ERMP1: variants seen among roughly 807,000 people sequenced by gnomAD.
The protein encoded by ERMP1 is endoplasmic reticulum metallopeptidase 1.
A neutral mutation model predicts 92.0 loss-of-function variants in ERMP1; 86 were observed. The ratio of observed to expected loss-of-function variants is 0.93; its 90% confidence interval spans 0.79 to 1.12. The LOEUF (loss-of-function observed/expected upper bound fraction) is 1.12. Ranked by LOEUF, ERMP1 falls within the 50% of genes most tolerant of loss-of-function variation. The pLI is 0.00. For missense variants in ERMP1, 1,342 were observed against 1,116.3 expected (o/e 1.20, Z -2.88); for synonymous variants, 530 against 412.8 (o/e 1.28, Z -3.44).
At chr9:5,832,555 C>T (rs1424117135) in intron 1 of ERMP1, 135 bp downstream of exon 1, 3 of 654,080 alleles carry the variant, frequency 4.6e-6, no homozygotes, top group Non-Finnish European at 7.0e-6. Context: ...TCACCCCACC[C>T]CACGTGCAGC....
In ERMP1 at chr9:5,832,897, C is replaced by G; in HGVS notation, c.131G>C (p.Ser44Thr). The change falls in exon 1 of 15, where the codon AGC becomes ACC. Residue 44 changes from serine (S) to threonine (T), a missense_variant. Transcript: ENST00000339450. ...CCTCTTCCGCGTCCTCCCGCCGCCG[C>G]TGCACCCATCCACCAGAGGCTCCTG... ...RAQEPLVDGC[S>T]GGGRTRKRSP... is the part of the protein sequence containing the mutation. The G allele has an allele frequency of 6.4e-7, 1 of 1,555,618 alleles. No individual in the cohort carries two copies. Among genetic ancestry groups the G allele is most frequent in the South Asian group, 1.2e-5 (1 of 85,200 alleles).
intron 8 of ERMP1, among the ~76,000 whole-genome samples, chr9:5,808,341 T>A (rs1828947713): frequency 6.6e-6 from 1 of 152,222 alleles, no homozygotes. Context: ...TACATACAAT[T>A]ACAATAAAAA....
intron 12 of ERMP1, among the ~76,000 whole-genome samples, chr9:5,798,468 G>A (rs150335003): frequency 9.6e-4 from 146 of 151,884 alleles, no homozygotes; most frequent in African/African-American, 3.4e-3. Context: ...CACCCGCCTC[G>A]GCCTCCCAAA....
intron 6 of ERMP1, among the ~76,000 whole-genome samples, chr9:5,838,515 G>A (rs532136320): frequency 2.0e-5 from 3 of 147,334 alleles, no homozygotes; most frequent in African/African-American, 7.4e-5. Flanking sequence ...TGGGCGACAG[G>A]GCAAAACCCT....
chr9:5,813,219 A>T (rs1829174571), intron 4 of ERMP1, among the ~76,000 whole-genome samples, 184 bp from the exon 5 acceptor site: 1 of 152,220 alleles, frequency 6.6e-6, no homozygotes, highest in African/African-American at 2.4e-5. Context: ...GACTTTTAGA[A>T]TAAAAACCTT....
At chr9:5,822,514 T>C (rs1573121) in intron 4 of ERMP1, among the ~76,000 whole-genome samples, 2 of 152,278 alleles carry the variant, frequency 1.3e-5, no homozygotes, top group Non-Finnish European at 2.9e-5. Context: ...AATATAGTAT[T>C]GTTTAGGTTA....
rs1170040766 is a variant in ERMP1 at position 5,785,192 on chromosome 9, T to C, written c.*1952A>G. On this transcript the variant is annotated 3_prime_UTR_variant, in exon 15 of 15. Coordinates refer to ENST00000339450, the MANE Select transcript of ERMP1 (RefSeq NM_024896.3). ...AAAGACAATGGTTTACACAGGGAAA[T>C]AACCCTAAGGCAATATGAAAACAGT... 4 of 151,998 alleles carry C rather than the reference T, an allele frequency of 2.6e-5. No homozygotes were observed. Among genetic ancestry groups the C allele is most frequent in the Non-Finnish European group, 5.9e-5 (4 of 67,986 alleles). 9.4% of individuals were successfully genotyped at this position (151,998 alleles called of 1,614,324 possible).
At chr9:5,832,194 G>C (rs1829967703) in intron 1 of ERMP1, among the ~76,000 whole-genome samples, 1 of 152,112 alleles carries the variant, frequency 6.6e-6, no homozygotes, top group Non-Finnish European at 1.5e-5. Flanking sequence ...TTTTGACTGG[G>C]CGGTGTTCCA....
intron 6 of ERMP1, among the ~76,000 whole-genome samples, chr9:5,842,471 A>C (rs1025102832): frequency 1.3e-5 from 2 of 152,104 alleles, no homozygotes; most frequent in African/African-American, 4.8e-5. Flanking sequence ...AAAAAAGAAA[A>C]AAAGAAAATG....
At chr9:5,830,496 T>C (rs1829896916) in intron 2 of ERMP1, among the ~76,000 whole-genome samples, 1 of 152,214 alleles carries the variant, frequency 6.6e-6, no homozygotes, top group Admixed American at 6.5e-5. Flanking sequence ...GTCTTATCAC[T>C]GGGCTGCTGG....
At chr9:5,860,763 C>T (rs7851958) in intron 5 of ERMP1, among the ~76,000 whole-genome samples, 85,358 of 151,596 alleles carry the variant, frequency 0.56, 25,131 homozygotes, top group South Asian at 0.69. Flanking sequence ...TAAAAAAAAA[C>T]TGTAGAGACA....
chr9:5,815,314 G>C (rs1829258643), intron 4 of ERMP1, among the ~76,000 whole-genome samples: 1 of 152,060 alleles, frequency 6.6e-6, no homozygotes, highest in South Asian at 2.1e-4. Context: ...CAAAGTACAA[G>C]GTAAGTTGAA....
intron 6 of ERMP1, among the ~76,000 whole-genome samples, chr9:5,843,050 C>T (rs1830185360): frequency 6.6e-6 from 1 of 152,156 alleles, no homozygotes; most frequent in Non-Finnish European, 1.5e-5. Flanking sequence ...ACTTGTTATT[C>T]AAAAGTGCTA....
chr9:5,788,015 A>C (rs1828015160), intron 13 of ERMP1, among the ~76,000 whole-genome samples: 1 of 152,218 alleles, frequency 6.6e-6, no homozygotes, highest in South Asian at 2.1e-4. Context: ...ACACCTTAAA[A>C]TATGTTTTAC....
chr9:5,831,230 G>C lies in ERMP1; in HGVS notation c.339-202C>G, dbSNP rs182811169. 5.2e-4 allele frequency among the ~76,000 whole-genome samples: 79 copies of C among 152,162 alleles called. 1 individual carries two copies. The highest frequency in any genetic ancestry group is 2.8e-4 in the Non-Finnish European group (19 of 67,986). Reference sequence around the variant, plus strand: ...TTTTTATTGTTGCCTCCCACGAGTTGACCCCTTCAGTTTTCTCCACCATCC... The same window carrying C: ...TTTTTATTGTTGCCTCCCACGAGTTCACCCCTTCAGTTTTCTCCACCATCC... On this transcript the variant is annotated intron_variant, in intron 1 of 14. Transcript: ENST00000339450.
chr9:5,851,062 C>T (rs1270832749), intron 6 of ERMP1, among the ~76,000 whole-genome samples: 3 of 152,242 alleles, frequency 2.0e-5, no homozygotes, highest in Non-Finnish European at 4.4e-5. Context: ...CTTTTAGACC[C>T]TTCAGAACAA....
At chr9:5,828,344 C>A (rs1395036797) in intron 2 of ERMP1, among the ~76,000 whole-genome samples, 1 of 152,218 alleles carries the variant, frequency 6.6e-6, no homozygotes, top group Admixed American at 6.5e-5. Context: ...AAAAAGCTCT[C>A]TGCCCTCCCC....
intron 4 of ERMP1, among the ~76,000 whole-genome samples, chr9:5,815,366 T>A (rs927942434): frequency 1.3e-5 from 2 of 151,830 alleles, no homozygotes; most frequent in African/African-American, 4.8e-5. Flanking sequence ...AAAAGACATG[T>A]CAAAGGGGCT....
At chr9:5,812,851 A>T in intron 5 of ERMP1, 38 bp downstream of exon 5, 3 of 1,612,754 alleles carry the variant, frequency 1.9e-6, no homozygotes, top group Non-Finnish European at 2.5e-6. Context: ...TTTGATAAAT[A>T]AATGCTGCAC....
Sources: gnomAD v4.1 joint callset for allele counts (sites outside exome capture counted in the v4.1 genomes callset) on GRCh38, gnomAD v4.1.1 for gene constraint, MANE v1.5 for transcripts, NCBI Gene and HGNC (gene_info 2026-07-23, HGNC 2026-07-21) for gene names.